LRRK2: variants seen among roughly 807,000 people sequenced by gnomAD.
LRRK2 encodes leucine-rich repeat serine/threonine-protein kinase 2.
Under a neutral mutation model 302.6 loss-of-function variants are expected in LRRK2, and 203 were observed. The observed-to-expected ratio is 0.67, with a 90% CI of 0.60 to 0.75. The LOEUF is 0.75. Among genes scored for constraint, LRRK2 ranks in the 30% least tolerant of loss-of-function variants. The pLI is 0.00. For missense variants in LRRK2, 2,830 were observed against 2,951.0 expected (o/e 0.96, Z 0.95); for synonymous variants, 1,066 against 1,031.9 (o/e 1.03, Z -0.63).
chr12:40,262,548 T>C (rs1942820760), intron 13 of LRRK2, among the ~76,000 whole-genome samples: 1 of 152,026 alleles, frequency 6.6e-6, no homozygotes, highest in Non-Finnish European at 1.5e-5. Flanking sequence ...TATCGGGAGA[T>C]GATGAGATTA....
chr12:40,250,290 G>GA (rs1288190780), intron 8 of LRRK2, among the ~76,000 whole-genome samples: 1 of 152,164 alleles, frequency 6.6e-6, no homozygotes, highest in African/African-American at 2.4e-5. Context: ...AGGAGTTCGA[G>GA]ACCAGCCTGG....
intron 48 of LRRK2, 77 bp downstream of exon 48, chr12:40,363,631 C>A: frequency 1.3e-6 from 2 of 1,508,572 alleles, no homozygotes; most frequent in Non-Finnish European, 1.8e-6. Context: ...AAGGATTTTT[C>A]TTCCTTTCTG....
intron 14 of LRRK2, among the ~76,000 whole-genome samples, chr12:40,269,346 G>T (rs1016122541): frequency 6.6e-6 from 1 of 152,104 alleles, no homozygotes; most frequent in African/African-American, 2.4e-5. Flanking sequence ...TAGTAGTTAG[G>T]TTGAAGCATG....
At position 40,305,777 on chromosome 12, in the gene LRRK2, C is replaced by T. The variant is rs1433994909; in HGVS notation, c.3778-8C>T. The T allele has an allele frequency of 2.5e-6, 4 of 1,612,682 alleles. No individual in the cohort carries two copies. Among genetic ancestry groups the T allele is most frequent in the African/African-American group, 2.7e-5 (2 of 74,768 alleles). ...CCAACAGGTTTTGCCCTTTTTTTTC[C>T]CATTAAGATTCCTCCTGAGATTGGC... is the stretch of plus-strand genomic sequence containing the variant. On this transcript the variant is annotated splice_polypyrimidine_tract_variant and splice_region_variant and intron_variant, in intron 27 of 50. Transcript: ENST00000298910.
At chr12:40,283,629 A>T (rs1479610212) in intron 18 of LRRK2, among the ~76,000 whole-genome samples, 1 of 152,212 alleles carries the variant, frequency 6.6e-6, no homozygotes. Flanking sequence ...CTTTGTCTCC[A>T]TATAATGTTG....
chr12:40,307,586 G>A (rs11175958), intron 28 of LRRK2, among the ~76,000 whole-genome samples: 23,433 of 151,556 alleles, frequency 0.15, 2,236 homozygotes, highest in Middle Eastern at 0.3. Flanking sequence ...ATGCATATGT[G>A]ATATACATGA....
Position 40,353,953 on chromosome 12 carries a change from C to T in LRRK2, c.6577-346C>T, listed in dbSNP as rs981401618. On this transcript the variant is annotated intron_variant, in intron 44 of 50. Coordinates refer to ENST00000298910, the MANE Select transcript of LRRK2 (RefSeq NM_198578.4). ...GCAGCAGTACAGCCCAGCTTCGGCT[C>T]GGCATCAGAGGGAGACGGTGGAAAG... 7.9e-5 allele frequency among the ~76,000 whole-genome samples: 12 copies of T among 152,082 alleles called. 1 individual carries two copies. The highest frequency in any genetic ancestry group is 1.3e-4 in the Non-Finnish European group (9 of 68,014).
At chr12:40,329,116 T>G (rs1273550147) in intron 39 of LRRK2, among the ~76,000 whole-genome samples, 1 of 152,192 alleles carries the variant, frequency 6.6e-6, no homozygotes, top group Admixed American at 6.5e-5. Flanking sequence ...TGCACCTCTC[T>G]TTTCTGGATT....
intron 14 of LRRK2, among the ~76,000 whole-genome samples, chr12:40,272,304 G>GA (rs35821640): frequency 5.8e-4 from 88 of 152,252 alleles, no homozygotes; most frequent in African/African-American, 2.0e-3. Flanking sequence ...TTTTGGCCTT[G>GA]AATATCTGAA....
chr12:40,295,280 G>A lies in LRRK2; in HGVS notation c.2879-147G>A, dbSNP rs79431342. On this transcript the variant is annotated intron_variant, in intron 22 of 50. Coordinates refer to ENST00000298910, the MANE Select transcript of LRRK2 (RefSeq NM_198578.4). ...TTATTTACTGTTCATCTCTGCCACTGGAATGTAAACTCCATAGTTTGGTTT... is the reference window on the plus strand; with the variant it reads ...TTATTTACTGTTCATCTCTGCCACTAGAATGTAAACTCCATAGTTTGGTTT... 749 of 698,596 alleles carry A rather than the reference G, an allele frequency of 1.1e-3. 9 individuals are homozygous for A. In the East Asian group the frequency reaches 0.019, roughly 18 times the overall value. 43.3% of individuals were successfully genotyped at this position (698,596 alleles called of 1,614,324 possible). A position where few individuals can be genotyped will look rare whatever the true frequency, so the allele number is the denominator to read the frequency against.
At chr12:40,225,435 A>T (rs573841936) in intron 1 of LRRK2, 120 bp from the exon 2 acceptor site, 2 of 1,264,270 alleles carry the variant, frequency 1.6e-6, no homozygotes, top group Non-Finnish European at 2.3e-6. Context: ...GGCAGAAAGC[A>T]GCTGAGAATT....
intron 44 of LRRK2, among the ~76,000 whole-genome samples, chr12:40,353,825 A>T (rs1331942055): frequency 6.6e-6 from 1 of 152,254 alleles, no homozygotes. Context: ...CCACCAAAAA[A>T]ATATGAAAAC....
chr12:40,348,253 T>A (rs1167070158), intron 42 of LRRK2, among the ~76,000 whole-genome samples, 156 bp from the exon 43 acceptor site: 1 of 152,174 alleles, frequency 6.6e-6, no homozygotes, highest in South Asian at 2.1e-4. Flanking sequence ...GTTAACAAAA[T>A]TAGCTTTAAT....
At chr12:40,328,546 A>C (rs566505555) in intron 39 of LRRK2, 86 bp downstream of exon 39, 1 of 998,322 alleles carries the variant, frequency 1.0e-6, no homozygotes, top group Non-Finnish European at 1.5e-6. Flanking sequence ...GTGAAAATGC[A>C]AAATAATGAC....
chr12:40,299,322 T>C lies in LRRK2; in HGVS notation c.3496+65T>C, dbSNP rs904174703. 3.2e-6 allele frequency: 5 copies of C among 1,540,154 alleles called. No individual in the cohort carries two copies. In the African/African-American group the frequency reaches 5.5e-5, roughly 17 times the overall value. The stretch of plus-strand genomic sequence containing the variant: ...TAAGTTGTACAAGATGAGTCATATA[T>C]GGACCCTTTAGTTGTGGATTTAAAA... On this transcript the variant is annotated intron_variant, in intron 25 of 50. Coordinates refer to ENST00000298910, the MANE Select transcript of LRRK2 (RefSeq NM_198578.4).
chr12:40,284,061 A>G lies in LRRK2; in HGVS notation c.2428A>G (p.Ile810Val), dbSNP rs72546337. 2.5e-6 allele frequency: 4 copies of G among 1,613,610 alleles called. No homozygotes were observed. Among genetic ancestry groups the G allele is most frequent in the East Asian group, 2.2e-5 (1 of 44,848 alleles). ...TAGCATTTGCCTTGGAGGATTTTGT[A>G]TAGGAAAAGTTGAACCTTCTTGGCT... is the stretch of plus-strand genomic sequence containing the variant. ...NNSICLGGFC[I>V]GKVEPSWLGP... The change falls in exon 19 of 51, where the codon ATA (isoleucine) becomes GTA (valine). Residue 810 changes from isoleucine to valine, a missense_variant. By Grantham distance (29) the Ile-to-Val change is conservative. This residue lies in a region of LRRK2 where 2,121 missense variants were observed against 2,148.0 expected (regional missense o/e 0.99). Transcript: ENST00000298910.
chr12:40,319,374 A>ATCCATT (rs1272828112), intron 33 of LRRK2, among the ~76,000 whole-genome samples: 1 of 152,048 alleles, frequency 6.6e-6, no homozygotes, highest in Non-Finnish European at 1.5e-5. Flanking sequence ...TTTAACTGCC[A>ATCCATT]TGACAAGGAT....
chr12:40,291,793 A>G (rs1175915399), intron 20 of LRRK2, among the ~76,000 whole-genome samples: 1 of 152,068 alleles, frequency 6.6e-6, no homozygotes, highest in Non-Finnish European at 1.5e-5. Flanking sequence ...TGTATTTGAT[A>G]GAGAAATATT....
chr12:40,270,293 G>C (rs1943178901), intron 14 of LRRK2, among the ~76,000 whole-genome samples: 1 of 151,916 alleles, frequency 6.6e-6, no homozygotes, highest in African/African-American at 2.4e-5. Flanking sequence ...ACATTGGCAG[G>C]GTAGATAATA....
Sources: allele counts gnomAD v4.1 joint callset (sites outside exome capture counted in the v4.1 genomes callset), GRCh38; gene constraint gnomAD v4.1.1; regional missense constraint gnomAD v4.1.1; transcripts MANE v1.5; gene names NCBI Gene and HGNC (gene_info 2026-07-23, HGNC 2026-07-21).